The following BABAM2 variants were observed in gnomAD, a reference collection of about 807,000 sequenced individuals.
BABAM2 encodes the protein BRISC and BRCA1 A complex member 2, also known as BRISC and BRCA1-A complex member 2.
Under a neutral mutation model 54.7 loss-of-function variants are expected in BABAM2, and 31 were observed. That is an observed-to-expected ratio of 0.57 (90% CI 0.43 to 0.77). The LOEUF is 0.77. Among genes scored for constraint, BABAM2 ranks in the 30% least tolerant of loss-of-function variants. The pLI is 0.00. For synonymous variants in BABAM2, 167 were observed against 162.9 expected, an observed-to-expected ratio of 1.03 and a Z score of -0.19; for missense variants, 364 against 455.8, an observed-to-expected ratio of 0.80 and a Z score of 1.83.
chr2:28,104,429 C>T lies in BABAM2; in HGVS notation c.571-24842C>T, dbSNP rs571406693. Among the ~76,000 whole-genome samples, 6 of 152,278 alleles carry T rather than the reference C, an allele frequency of 3.9e-5. No individual in the cohort carries two copies. The South Asian group carries it at 1.0e-3, about 26-fold the overall frequency. On this transcript the variant is annotated intron_variant, in intron 6 of 11. Transcript: ENST00000379624. Reference sequence around the variant, plus strand: ...AAGACATTTATGCAGCCAAAAAACACATGAAAAAATGCTCACCATCACTGG... The same window carrying T: ...AAGACATTTATGCAGCCAAAAAACATATGAAAAAATGCTCACCATCACTGG...
intron 3 of BABAM2, among the ~76,000 whole-genome samples, chr2:27,987,344 C>T (rs1259589936): frequency 6.6e-6 from 1 of 152,174 alleles, no homozygotes; most frequent in Admixed American, 6.5e-5. Flanking sequence ...CAGAATCAGT[C>T]TTCGTAAAGG....
At chr2:27,990,509 G>T (rs1672705799) in intron 4 of BABAM2, among the ~76,000 whole-genome samples, 3 of 152,140 alleles carry the variant, frequency 2.0e-5, no homozygotes, top group African/African-American at 7.2e-5. Context: ...ATCACCCATG[G>T]AGTGGAAAAC....
At chr2:28,023,679 T>C (rs965705828) in intron 4 of BABAM2, among the ~76,000 whole-genome samples, 3 of 152,208 alleles carry the variant, frequency 2.0e-5, no homozygotes, top group African/African-American at 7.2e-5. Context: ...TTCCTATAAA[T>C]GAAAGAACAC....
chr2:28,043,131 GT>G (rs757757963), intron 5 of BABAM2, among the ~76,000 whole-genome samples: 1,861 of 138,774 alleles, frequency 0.013, 21 homozygotes, highest in African/African-American at 0.039. Context: ...TTGGGAGCAT[GT>G]TTTTTTTTTT....
rs1284157663 is a variant in BABAM2, at chr2:28,338,537, C to A, written c.*24C>A. ...AGGAAACACCAGTCTTGAGAGGTGGCCAGCCAGACTGCCTGTCCACATGCG... is the reference window on the plus strand; with the variant it reads ...AGGAAACACCAGTCTTGAGAGGTGGACAGCCAGACTGCCTGTCCACATGCG... On this transcript the variant is annotated 3_prime_UTR_variant, in exon 12 of 12. Coordinates refer to ENST00000379624, the MANE Select transcript of BABAM2 (RefSeq NM_199191.3). The A allele has an allele frequency of 1.9e-6, 3 of 1,612,524 alleles. No individual in the cohort carries two copies. Among genetic ancestry groups the A allele is most frequent in the Admixed American group, 1.7e-5 (1 of 59,984 alleles).
chr2:27,893,003 T>A (rs1235223669), intron 1 of BABAM2, among the ~76,000 whole-genome samples: 1 of 152,216 alleles, frequency 6.6e-6, no homozygotes, highest in Non-Finnish European at 1.5e-5. Context: ...TTACTTACTA[T>A]CTGAAATAAT....
chr2:28,002,814 T>C (rs1673671701), intron 4 of BABAM2, among the ~76,000 whole-genome samples: 1 of 152,190 alleles, frequency 6.6e-6, no homozygotes, highest in Non-Finnish European at 1.5e-5. Flanking sequence ...AAAAAGATGA[T>C]TGACTAATTT....
rs114061507 is a variant in BABAM2 at position 28,330,722 on chromosome 2, A to T, written c.1089-7728A>T. The stretch of plus-strand genomic sequence containing the variant: ...GGAAAAACATTCCAAGCTCATGGAT[A>T]GGAAGAATTAGTATCATGAAAATAG... On this transcript the variant is annotated intron_variant, in intron 11 of 11. Transcript: ENST00000379624. 7.8e-3 allele frequency among the ~76,000 whole-genome samples: 1,182 copies of T among 152,368 alleles called. 11 individuals are homozygous for T. Among genetic ancestry groups the T allele is most frequent in the Admixed American group, 0.016 (245 of 15,302 alleles).
At chr2:28,315,426 CTTTTCTTTTCTTTTCTTTTCTT>C (rs1271848637) in intron 11 of BABAM2, among the ~76,000 whole-genome samples, 1 of 13,518 alleles carries the variant, frequency 7.4e-5, no homozygotes, top group Non-Finnish European at 1.5e-4. Context: ...GTTCTTTTTT[CTTTTCTTTTCTTTTCTTTTCTT>C]TTCTTTTCTT....
chr2:27,980,263 A>G (rs1671903338), intron 3 of BABAM2, among the ~76,000 whole-genome samples: 2 of 152,104 alleles, frequency 1.3e-5, no homozygotes, highest in Non-Finnish European at 2.9e-5. Flanking sequence ...AGTTGGAGTA[A>G]GCAGTGTCCA....
intron 7 of BABAM2, among the ~76,000 whole-genome samples, chr2:28,165,528 G>GTT (rs1164223138): frequency 1.1e-5 from 1 of 90,432 alleles, no homozygotes; most frequent in Non-Finnish European, 2.4e-5. Flanking sequence ...TTTTTTCCTT[G>GTT]CTTTTTTTTT....
chr2:27,932,928 A>G (rs1668203964), intron 3 of BABAM2, among the ~76,000 whole-genome samples: 1 of 150,878 alleles, frequency 6.6e-6, no homozygotes, highest in African/African-American at 2.4e-5. Context: ...CTGATTAACT[A>G]CTCTCCTCCC....
intron 9 of BABAM2, among the ~76,000 whole-genome samples, chr2:28,242,006 A>G (rs1345618304): frequency 1.3e-5 from 2 of 151,924 alleles, no homozygotes; most frequent in Non-Finnish European, 2.9e-5. Context: ...TACAATTTGC[A>G]TAGCACTTTT....
At chr2:27,890,621 G>A, upstream of BABAM2, 5 of 348,544 alleles carry the variant, frequency 1.4e-5, no homozygotes, top group Non-Finnish European at 5.2e-6. The surrounding 1 kb of genome is among the most constrained non-coding windows in gnomAD (Gnocchi z 4.8). Flanking sequence ...GGAAGGAACT[G>A]TCAGGCACCG....
intron 11 of BABAM2, chr2:28,310,284 T>C: frequency 1.1e-6 from 1 of 919,806 alleles, no homozygotes; most frequent in Non-Finnish European, 1.7e-6. Context: ...CACCATCCTC[T>C]CAGCCTGTGC....
At chr2:28,196,916 C>T (rs1374938376) in intron 7 of BABAM2, among the ~76,000 whole-genome samples, 1 of 130,112 alleles carries the variant, frequency 7.7e-6, no homozygotes, top group South Asian at 2.6e-4. Flanking sequence ...ATGATCTCAG[C>T]TCACTGCAGC....
upstream of BABAM2, chr2:27,890,536 C>G (rs976213732): frequency 1.7e-6 from 1 of 601,660 alleles, no homozygotes; most frequent in Non-Finnish European, 3.0e-6. The surrounding 1 kb of genome is among the most constrained non-coding windows in gnomAD (Gnocchi z 4.8). Flanking sequence ...AGTCTCGGTG[C>G]ACAGCCTCAC....
intron 3 of BABAM2, among the ~76,000 whole-genome samples, chr2:27,985,426 G>A (rs1672332032): frequency 6.6e-6 from 1 of 152,018 alleles, no homozygotes; most frequent in African/African-American, 2.4e-5. Flanking sequence ...TCTTGCATGA[G>A]TAAGGTGGTA....
chr2:28,243,903 T>C, intron 9 of BABAM2, among the ~76,000 whole-genome samples: 1 of 152,158 alleles, frequency 6.6e-6, no homozygotes, highest in East Asian at 1.9e-4. Flanking sequence ...TGGCCTGGTT[T>C]GGTCAGGGAT....
Sources: allele counts gnomAD v4.1 joint callset (sites outside exome capture counted in the v4.1 genomes callset), GRCh38; gene constraint gnomAD v4.1.1; non-coding constraint Gnocchi (gnomAD v3.1); transcripts MANE v1.5; gene names NCBI Gene and HGNC (gene_info 2026-07-23, HGNC 2026-07-21).